Variants in SEPTIN14 observed in about 807,000 individuals in gnomAD.
SEPTIN14 encodes the protein septin 14, also known as septin-14.
SEPTIN14 carries 40 observed loss-of-function variants against 53.6 expected under a neutral mutation model. The observed-to-expected ratio is 0.75, with a 90% confidence interval of 0.58 to 0.97. The LOEUF (loss-of-function observed/expected upper bound fraction) is 0.97. Among genes scored for constraint, SEPTIN14 ranks in the 50% least tolerant of loss-of-function variants. SEPTIN14 has a pLI of 0.00. For synonymous variants in SEPTIN14, 138 were observed against 166.8 expected, an observed-to-expected ratio of 0.83 and a Z score of 1.33; for missense variants, 471 against 508.2, an observed-to-expected ratio of 0.93 and a Z score of 0.70.
At chr7:55,862,210 TTATAA>T (rs1207139344) in intron 1 of SEPTIN14, among the ~76,000 whole-genome samples, 199 bp from the exon 2 acceptor site, 2 of 152,150 alleles carry the variant, frequency 1.3e-5, no homozygotes, top group African/African-American at 2.4e-5. Context: ...AATATTCAAC[TTATAA>T]TGTAGAGTAA....
intron 7 of SEPTIN14, among the ~76,000 whole-genome samples, chr7:55,809,933 C>T (rs1386814114): frequency 2.0e-5 from 3 of 150,342 alleles, no homozygotes; most frequent in East Asian, 3.9e-4. Context: ...CCTGGGTTCA[C>T]GCCATTCTCC....
rs1018098728 is a variant in SEPTIN14, at chr7:55,794,677, T to TCA, written c.*1234_*1235dup. ...AGTGGCTTATACCAGGTGTGGTGAC[T>TCA]CAGCGCTCTGTCACCCAGGCTGGAG... On this transcript the variant is annotated 3_prime_UTR_variant, in exon 10 of 10. Coordinates refer to ENST00000388975, the MANE Select transcript of SEPTIN14 (RefSeq NM_207366.3). 2.0e-5 allele frequency: 3 copies of TCA among 152,126 alleles called. No individual in the cohort carries two copies. The highest frequency in any genetic ancestry group is 4.8e-5 in the African/African-American group (2 of 41,424). The allele number at this position is 152,126 out of a possible 1,614,324, so 9.4% of individuals were successfully genotyped here.
chr7:55,811,279 TC>T (rs1788701269), intron 7 of SEPTIN14: 1 of 518,814 alleles, frequency 1.9e-6, no homozygotes, highest in African/African-American at 1.9e-5. Context: ...TTGAAGAGGT[TC>T]TGCCTGTCAG....
At chr7:55,802,373 A>C (rs1788536849) in intron 9 of SEPTIN14, among the ~76,000 whole-genome samples, 1 of 152,186 alleles carries the variant, frequency 6.6e-6, no homozygotes, top group African/African-American at 2.4e-5. Flanking sequence ...AGAAGAGGAC[A>C]CTATGAGAAA....
intron 2 of SEPTIN14, among the ~76,000 whole-genome samples, chr7:55,851,583 A>C (rs998050974): frequency 3.9e-5 from 6 of 152,240 alleles, no homozygotes; most frequent in Non-Finnish European, 8.8e-5. Context: ...TGAAAAGGAC[A>C]CAAAAAAATG....
chr7:55,798,192 C>A, intron 9 of SEPTIN14: 2 of 243,058 alleles, frequency 8.2e-6, no homozygotes, highest in South Asian at 9.7e-5. Context: ...CAAAGCCCAG[C>A]AACCTGCCAG....
intron 5 of SEPTIN14, among the ~76,000 whole-genome samples, chr7:55,834,959 A>G (rs1018751271): frequency 6.6e-6 from 1 of 152,014 alleles, no homozygotes; most frequent in African/African-American, 2.4e-5. Context: ...TATAGTTTTT[A>G]TAGTAAAGCC....
At chr7:55,810,374 T>C (rs1341410644) in intron 7 of SEPTIN14, among the ~76,000 whole-genome samples, 1 of 152,116 alleles carries the variant, frequency 6.6e-6, no homozygotes, top group Non-Finnish European at 1.5e-5. Flanking sequence ...ATTTGCCCCT[T>C]ATCAGATGTA....
In SEPTIN14 at chr7:55,861,944, G is replaced by A. The variant is rs767882154; in HGVS notation, c.53C>T (p.Thr18Ile). 3.8e-6 allele frequency: 6 copies of A among 1,562,436 alleles called. No individual in the cohort carries two copies. In the Admixed American group the frequency reaches 5.7e-5, roughly 15 times the overall value. Residue 18 changes from threonine (T) to isoleucine (I), a missense_variant and splice_region_variant, in exon 2 of 10, where the codon ACA becomes ATA. By Grantham distance (89) the Thr-to-Ile change is moderately conservative (BLOSUM62 -1). Coordinates refer to ENST00000388975, the MANE Select transcript of SEPTIN14 (RefSeq NM_207366.3). ...TTATATTTGAAAGATATACTTAACT[G>A]TATCTCCATCAGCAGGTATTTGTGT... ...MPTQIPADGD[T>I]QKENNIRCLT...
chr7:55,830,349 A>ATATATAT (rs71015108), intron 6 of SEPTIN14, among the ~76,000 whole-genome samples: 21 of 56,852 alleles, frequency 3.7e-4, no homozygotes, highest in South Asian at 1.4e-3. Context: ...ATATATATAT[A>ATATATAT]TTTTTTTTTT....
chr7:55,856,769 C>T (rs529727457), intron 2 of SEPTIN14, among the ~76,000 whole-genome samples: 6 of 152,200 alleles, frequency 3.9e-5, no homozygotes, highest in Middle Eastern at 3.4e-3. Context: ...TTGTGAATAG[C>T]GCTGAGATGA....
chr7:55,808,304 A>G (rs921036217), intron 7 of SEPTIN14, among the ~76,000 whole-genome samples: 1 of 152,206 alleles, frequency 6.6e-6, no homozygotes, highest in Non-Finnish European at 1.5e-5. Context: ...TAAAAATGTG[A>G]GTGCACATGT....
chr7:55,795,268 G>T lies in SEPTIN14; in HGVS notation c.*645C>A, dbSNP rs76909462. 5,530 of 152,306 alleles carry T rather than the reference G, an allele frequency of 0.036. 135 individuals are homozygous for T. Among genetic ancestry groups the T allele is most frequent in the South Asian group, 0.057 (277 of 4,826 alleles). The allele number at this position is 152,306 out of a possible 1,614,324, so 9.4% of individuals were successfully genotyped here. A position where few individuals can be genotyped will look rare whatever the true frequency, so the allele number is the denominator to read the frequency against. ...ATATAAAAGTTAAAAGTCACTACTG[G>T]ATCCAAAAGCAGGACTATGGTAAAT... is the stretch of plus-strand genomic sequence containing the variant. On this transcript the variant is annotated 3_prime_UTR_variant, in exon 10 of 10. Coordinates refer to ENST00000388975, the MANE Select transcript of SEPTIN14 (RefSeq NM_207366.3).
intron 6 of SEPTIN14, among the ~76,000 whole-genome samples, chr7:55,829,907 G>A (rs987642487): frequency 1.3e-5 from 2 of 151,002 alleles, no homozygotes; most frequent in Non-Finnish European, 2.9e-5. Flanking sequence ...GGCCAGGCGC[G>A]GTGGCTCACG....
chr7:55,806,607 C>T (rs1370827748), intron 8 of SEPTIN14, among the ~76,000 whole-genome samples: 3 of 151,484 alleles, frequency 2.0e-5, no homozygotes, highest in Admixed American at 6.6e-5. Context: ...GGGATACAGG[C>T]GTGTGCCACC....
intron 5 of SEPTIN14, among the ~76,000 whole-genome samples, chr7:55,838,833 G>T (rs904242449): frequency 2.0e-5 from 3 of 152,070 alleles, no homozygotes; most frequent in Non-Finnish European, 4.4e-5. Flanking sequence ...ACAGGCTTGA[G>T]CCACAGAGCC....
intron 6 of SEPTIN14, among the ~76,000 whole-genome samples, chr7:55,822,146 T>G (rs1442662988): frequency 2.0e-5 from 3 of 152,172 alleles, no homozygotes; most frequent in African/African-American, 7.2e-5. Flanking sequence ...GAGATATGAT[T>G]CAAGTTGAGA....
At chr7:55,855,609 G>T (rs1482644639) in intron 2 of SEPTIN14, among the ~76,000 whole-genome samples, 1 of 152,166 alleles carries the variant, frequency 6.6e-6, no homozygotes, top group East Asian at 1.9e-4. Context: ...AGGCTGGAGT[G>T]CAGTGGTGCG....
intron 6 of SEPTIN14, among the ~76,000 whole-genome samples, chr7:55,828,365 C>T (rs1351690165): frequency 4.1e-5 from 6 of 145,742 alleles, no homozygotes; most frequent in East Asian, 4.1e-4. Context: ...AGTGCAGTGG[C>T]GCCATCTCAG....
Sources: gnomAD v4.1 joint callset for allele counts (sites outside exome capture counted in the v4.1 genomes callset) on GRCh38, gnomAD v4.1.1 for gene constraint, MANE v1.5 for transcripts, NCBI Gene and HGNC (gene_info 2026-07-23, HGNC 2026-07-21) for gene names.